The following C8orf34 variants were observed in gnomAD, a reference collection of about 807,000 sequenced individuals.
C8orf34 encodes the protein uncharacterized protein C8orf34.
A neutral mutation model predicts 68.3 loss-of-function variants in C8orf34; 65 were observed. That is an observed-to-expected ratio of 0.95 (90% CI 0.78 to 1.17). C8orf34 has a LOEUF of 1.17. Ranked by LOEUF, C8orf34 falls within the 50% of genes most tolerant of loss-of-function variation. The pLI, the probability that C8orf34 is intolerant of heterozygous loss-of-function variation, is 0.00. For synonymous variants in C8orf34, 244 were observed against 241.2 expected, an observed-to-expected ratio of 1.01 and a Z score of -0.11; for missense variants, 664 against 655.4, an observed-to-expected ratio of 1.01 and a Z score of -0.14.
intron 10 of C8orf34, among the ~76,000 whole-genome samples, chr8:68,768,213 C>A (rs1823236100): frequency 6.6e-6 from 1 of 152,128 alleles, no homozygotes; most frequent in South Asian, 2.1e-4. Context: ...TTTGCAATGC[C>A]CCTGGTAGTC....
chr8:68,751,223 C>T (rs1822696433), intron 10 of C8orf34, among the ~76,000 whole-genome samples: 1 of 152,138 alleles, frequency 6.6e-6, no homozygotes. Flanking sequence ...CATATTGTAA[C>T]ATGACAGTTC....
At chr8:68,695,356 C>T (rs1301981392) in intron 8 of C8orf34, among the ~76,000 whole-genome samples, 1 of 152,008 alleles carries the variant, frequency 6.6e-6, no homozygotes, top group Non-Finnish European at 1.5e-5. Context: ...ACCTTGTTGG[C>T]CAGGCTGGTC....
rs1192772356 is a variant in C8orf34, at chr8:68,710,490, A to G, written c.1327+1411A>G. Among the ~76,000 whole-genome samples, 3 of 152,178 alleles carry G rather than the reference A, an allele frequency of 2.0e-5. No homozygotes were observed. In the East Asian group the frequency reaches 5.8e-4, roughly 29 times the overall value. ...CTATGGGCTGCCTTGGAGCTGGGTG[A>G]ATCCTGTGACTGCTGGCTTTCCCCC... On this transcript the variant is annotated intron_variant, in intron 9 of 13. Coordinates refer to ENST00000518698, the MANE Select transcript of C8orf34 (RefSeq NM_052958.4).
intron 8 of C8orf34, among the ~76,000 whole-genome samples, chr8:68,691,562 G>A (rs543522817): frequency 2.0e-5 from 3 of 152,018 alleles, no homozygotes; most frequent in Admixed American, 1.3e-4. Flanking sequence ...TATGTTTAAA[G>A]GTAAAATTGT....
intron 5 of C8orf34, among the ~76,000 whole-genome samples, chr8:68,513,900 G>T (rs998452645): frequency 6.6e-6 from 1 of 152,016 alleles, no homozygotes; most frequent in Non-Finnish European, 1.5e-5. Context: ...GGAGTGATGA[G>T]GGGTGGGGGT....
rs191349604 is a variant in C8orf34 at position 68,595,456 on chromosome 8, G to T, written c.1106-44920G>T. Among the ~76,000 whole-genome samples, 556 of 152,096 alleles carry T rather than the reference G, an allele frequency of 3.7e-3. 7 individuals carry two copies. The highest frequency in any genetic ancestry group is 0.013 in the African/African-American group (533 of 41,528). On this transcript the variant is annotated intron_variant, in intron 7 of 13. Coordinates refer to ENST00000518698, the MANE Select transcript of C8orf34 (RefSeq NM_052958.4). Reference sequence around the variant, plus strand: ...GAAAAGTCTGATGTTGTTTTGGTTGGTTTTTATAGATAATCTATTTTTTGT... The same window carrying T: ...GAAAAGTCTGATGTTGTTTTGGTTGTTTTTTATAGATAATCTATTTTTTGT...
chr8:68,686,839 C>T (rs1820533325), intron 8 of C8orf34, among the ~76,000 whole-genome samples: 1 of 152,080 alleles, frequency 6.6e-6, no homozygotes. Flanking sequence ...AAAACTAGTG[C>T]TGTTCACCAA....
chr8:68,531,094 A>G (rs2380475), intron 6 of C8orf34, among the ~76,000 whole-genome samples: 30,866 of 152,030 alleles, frequency 0.2, 4,180 homozygotes, highest in African/African-American at 0.39. Context: ...CTGAAAATAA[A>G]TTACAGATTT....
intron 8 of C8orf34, among the ~76,000 whole-genome samples, chr8:68,698,030 G>T (rs184621156): frequency 6.6e-6 from 1 of 151,932 alleles, no homozygotes; most frequent in Non-Finnish European, 1.5e-5. Flanking sequence ...GGGGTTTTCC[G>T]GAGTTCCTTT....
intron 6 of C8orf34, among the ~76,000 whole-genome samples, chr8:68,532,117 A>G (rs765478034): frequency 1.3e-5 from 2 of 152,162 alleles, no homozygotes; most frequent in Non-Finnish European, 2.9e-5. Flanking sequence ...CTGAGTGGCG[A>G]CAATGAATCT....
At chr8:68,571,891 A>C (rs974263036) in intron 7 of C8orf34, among the ~76,000 whole-genome samples, 3 of 152,168 alleles carry the variant, frequency 2.0e-5, no homozygotes, top group Non-Finnish European at 4.4e-5. Context: ...GTGTTGCTTA[A>C]CAATGGGGAT....
intron 8 of C8orf34, among the ~76,000 whole-genome samples, chr8:68,693,769 A>G (rs1820748490): frequency 1.3e-5 from 2 of 152,092 alleles, no homozygotes; most frequent in Admixed American, 6.6e-5. Context: ...TCAGCATCTA[A>G]CAGTGACCCA....
intron 8 of C8orf34, among the ~76,000 whole-genome samples, chr8:68,705,052 C>A (rs1821124497): frequency 6.6e-6 from 1 of 152,090 alleles, no homozygotes; most frequent in South Asian, 2.1e-4. Context: ...CGAGACATTT[C>A]TTTAAGAAGT....
At chr8:68,498,153 A>G (rs148804918) in intron 5 of C8orf34, among the ~76,000 whole-genome samples, 32 of 152,300 alleles carry the variant, frequency 2.1e-4, no homozygotes, top group African/African-American at 7.5e-4. Context: ...GAAAACTAAA[A>G]CAACAATAGC....
intron 10 of C8orf34, among the ~76,000 whole-genome samples, chr8:68,735,892 T>G (rs1002515673): frequency 6.6e-6 from 1 of 152,172 alleles, no homozygotes; most frequent in African/African-American, 2.4e-5. Flanking sequence ...CCAATTTAAA[T>G]TCTGTCTTTG....
chr8:68,466,574 A>G (rs951821571), intron 3 of C8orf34, among the ~76,000 whole-genome samples: 2 of 151,700 alleles, frequency 1.3e-5, no homozygotes, highest in African/African-American at 4.8e-5. Flanking sequence ...ACTTAGATTT[A>G]ACTTGCCCTT....
intron 5 of C8orf34, among the ~76,000 whole-genome samples, chr8:68,502,624 C>T (rs1222216176): frequency 2.0e-5 from 3 of 152,062 alleles, no homozygotes; most frequent in Non-Finnish European, 1.5e-5. Context: ...AAAAATCAAA[C>T]ATTTGATCTG....
intron 7 of C8orf34, among the ~76,000 whole-genome samples, chr8:68,634,383 T>C (rs1818777649): frequency 6.6e-6 from 1 of 152,216 alleles, no homozygotes; most frequent in South Asian, 2.1e-4. Context: ...TATTCAAAGA[T>C]TCTCAGTTTT....
intron 10 of C8orf34, among the ~76,000 whole-genome samples, chr8:68,729,994 T>C (rs1035810112): frequency 2.0e-5 from 3 of 152,148 alleles, no homozygotes; most frequent in Non-Finnish European, 4.4e-5. Flanking sequence ...TAAATTGGTT[T>C]AAATAGTTGA....
Sources: allele counts gnomAD v4.1 joint callset (sites outside exome capture counted in the v4.1 genomes callset), GRCh38; gene constraint gnomAD v4.1.1; transcripts MANE v1.5; gene names NCBI Gene and HGNC (gene_info 2026-07-23, HGNC 2026-07-21).